KDSR: variants seen among roughly 807,000 people sequenced by gnomAD.
KDSR encodes the protein 3-ketodihydrosphingosine reductase.
KDSR carries 23 observed loss-of-function variants against 41.3 expected under a neutral mutation model. That is an observed-to-expected ratio of 0.56 (90% CI 0.40 to 0.79). KDSR has a LOEUF of 0.79. Ranked by LOEUF, KDSR falls within the 30% of genes least tolerant of loss-of-function variation. The pLI, the probability that KDSR is intolerant of heterozygous loss-of-function variation, is 0.00. For synonymous variants in KDSR, 138 were observed against 151.7 expected (o/e 0.91, Z 0.66); for missense variants, 351 against 416.8 (o/e 0.84, Z 1.37).
At chr18:63,358,657 CA>C (rs1326141654) in intron 3 of KDSR, among the ~76,000 whole-genome samples, 1 of 150,212 alleles carries the variant, frequency 6.7e-6, no homozygotes, top group African/African-American at 2.4e-5. Flanking sequence ...ACTAAAAATA[CA>C]AAAAAAATTA....
chr18:63,357,586 A>T (rs1402267289), intron 3 of KDSR, among the ~76,000 whole-genome samples: 13 of 64,664 alleles, frequency 2.0e-4, no homozygotes, highest in African/African-American at 7.9e-4. Flanking sequence ...ATATATATAT[A>T]TATATATATT....
At chr18:63,361,672 A>G (rs913863532) in intron 2 of KDSR, among the ~76,000 whole-genome samples, 60 of 151,732 alleles carry the variant, frequency 4.0e-4, no homozygotes, top group African/African-American at 1.2e-3. Context: ...AAAATTAGCC[A>G]GGCGTGGTGG....
At chr18:63,348,639 C>G (rs1447136759) in intron 6 of KDSR, among the ~76,000 whole-genome samples, 1 of 152,152 alleles carries the variant, frequency 6.6e-6, no homozygotes, top group Non-Finnish European at 1.5e-5. Context: ...CGGCTACTCG[C>G]AGTATGCAAA....
chr18:63,347,674 T>C (rs1568279414), intron 6 of KDSR, among the ~76,000 whole-genome samples: 1 of 151,820 alleles, frequency 6.6e-6, no homozygotes, highest in Non-Finnish European at 1.5e-5. Flanking sequence ...AAGGAAGAGA[T>C]GGGAGGAGAG....
intron 5 of KDSR, among the ~76,000 whole-genome samples, chr18:63,354,263 C>T (rs1366810845): frequency 6.6e-5 from 10 of 151,892 alleles, no homozygotes; most frequent in Non-Finnish European, 8.8e-5. Flanking sequence ...TGCAGTGAGC[C>T]GAGATCGTGC....
At chr18:63,363,828 CT>C (rs1915060084) in intron 1 of KDSR, among the ~76,000 whole-genome samples, 1 of 152,196 alleles carries the variant, frequency 6.6e-6, no homozygotes, top group Admixed American at 6.5e-5. Context: ...GCTATACTGG[CT>C]TTCAATTATG....
chr18:63,342,335 G>A (rs187817513), intron 7 of KDSR, among the ~76,000 whole-genome samples: 13 of 152,208 alleles, frequency 8.5e-5, no homozygotes, highest in Admixed American at 3.3e-4. Flanking sequence ...CATGGGCTCC[G>A]TCAAAGGGAG....
Position 63,359,680 on chromosome 18 carries a change from C to T in KDSR, c.255+56G>A, listed in dbSNP as rs554415117. The T allele has an allele frequency of 1.3e-4, 152 of 1,145,764 alleles. 2 individuals are homozygous for T. In the South Asian group the frequency reaches 1.9e-3, roughly 14 times the overall value. 71.0% of individuals were successfully genotyped at this position (1,145,764 alleles called of 1,614,324 possible). On this transcript the variant is annotated intron_variant, in intron 3 of 9. Coordinates refer to ENST00000645214, the MANE Select transcript of KDSR (RefSeq NM_002035.4). Reference sequence around the variant, plus strand: ...CACAGGTGAAGTAACTCTGTTTTTCCTTTATACAGCTGTGCTGAGTTATAC... The same window carrying T: ...CACAGGTGAAGTAACTCTGTTTTTCTTTTATACAGCTGTGCTGAGTTATAC...
At chr18:63,339,771 G>A (rs1568276772) in intron 7 of KDSR, among the ~76,000 whole-genome samples, 1 of 152,106 alleles carries the variant, frequency 6.6e-6, no homozygotes, top group Non-Finnish European at 1.5e-5. Context: ...GCATATGTGT[G>A]CTCAAAAATT....
chr18:63,363,573 A>G (rs923994117), intron 1 of KDSR, among the ~76,000 whole-genome samples: 2 of 151,508 alleles, frequency 1.3e-5, no homozygotes, highest in Admixed American at 1.3e-4. Context: ...ATGGCTGCAT[A>G]GTATTCCATG....
intron 2 of KDSR, among the ~76,000 whole-genome samples, chr18:63,360,762 T>C (rs867048582): frequency 6.6e-6 from 1 of 151,002 alleles, no homozygotes. Flanking sequence ...CGAGCACCTG[T>C]GGTCCCAGAT....
chr18:63,354,949 G>T (rs1378907879), intron 5 of KDSR, among the ~76,000 whole-genome samples: 3 of 152,174 alleles, frequency 2.0e-5, no homozygotes, highest in African/African-American at 7.2e-5. Context: ...AGTAATCTGT[G>T]TCAGATTAGA....
intron 7 of KDSR, 90 bp downstream of exon 7, chr18:63,344,320 G>T: frequency 2.4e-6 from 2 of 833,702 alleles, no homozygotes; most frequent in Non-Finnish European, 4.0e-6. Context: ...ATTGTTGATT[G>T]GTGAAAACGA....
rs1375924866 is a variant in KDSR, at chr18:63,355,226, T to A, written c.395A>T (p.Asp132Val). Residue 132 changes from aspartate (D) to valine (V), a missense_variant, in exon 5 of 10, where the codon GAT (aspartate) becomes GTT (valine). Asp to Val is a radical substitution (Grantham distance 152). Coordinates refer to ENST00000645214, the MANE Select transcript of KDSR (RefSeq NM_002035.4). ...TACTTCAAAGGTACTAACTTCAAGATCTTCAAATTTTCCTGACACTGCCAT... is the reference window on the plus strand; with the variant it reads ...TACTTCAAAGGTACTAACTTCAAGAACTTCAAATTTTCCTGACACTGCCAT... ...AGMAVSGKFE[D>V]LEVSTFERLM... 1 of 1,613,712 alleles carries A rather than the reference T, an allele frequency of 6.2e-7. No individual in the cohort carries two copies. Among genetic ancestry groups the A allele is most frequent in the African/African-American group, 1.3e-5 (1 of 75,046 alleles).
At chr18:63,337,361 C>A (rs1914205929) in intron 8 of KDSR, among the ~76,000 whole-genome samples, 1 of 152,052 alleles carries the variant, frequency 6.6e-6, no homozygotes, top group Non-Finnish European at 1.5e-5. Flanking sequence ...GGTGATCCGC[C>A]CGCCTTGGCC....
At chr18:63,362,539 T>G (rs1401575612) in intron 2 of KDSR, among the ~76,000 whole-genome samples, 1 of 152,224 alleles carries the variant, frequency 6.6e-6, no homozygotes, top group Admixed American at 6.5e-5. Flanking sequence ...GGATCTGCAG[T>G]ATCTATGATG....
At chr18:63,365,161 C>G (rs552972421) in intron 1 of KDSR, among the ~76,000 whole-genome samples, 110 of 152,348 alleles carry the variant, frequency 7.2e-4, no homozygotes, top group African/African-American at 2.5e-3. Flanking sequence ...TGGCCGGGCG[C>G]GATGGCTCGC....
At chr18:63,335,493 C>T in intron 8 of KDSR, 135 bp from the exon 9 acceptor site, 1 of 651,094 alleles carries the variant, frequency 1.5e-6, no homozygotes, top group Non-Finnish European at 2.7e-6. Context: ...TTGATCAGCA[C>T]TCAGAAATGG....
chr18:63,359,475 A>T (rs973858475), intron 3 of KDSR: 1 of 300,884 alleles, frequency 3.3e-6, no homozygotes, highest in Non-Finnish European at 6.2e-6. Flanking sequence ...AAAGTTCATT[A>T]AAAAAAAAAT....
Sources: allele counts gnomAD v4.1 joint callset (sites outside exome capture counted in the v4.1 genomes callset), GRCh38; gene constraint gnomAD v4.1.1; transcripts MANE v1.5; gene names NCBI Gene and HGNC (gene_info 2026-07-23, HGNC 2026-07-21).